ZNF25: variants seen among roughly 807,000 people sequenced by gnomAD.
The protein encoded by ZNF25 is zinc finger protein 25.
ZNF25 carries 21 observed loss-of-function variants against 30.9 expected under a neutral mutation model. The observed-to-expected ratio is 0.68, with a 90% CI of 0.48 to 0.98. The LOEUF (loss-of-function observed/expected upper bound fraction) is 0.98, where lower values mean the gene tolerates loss of function less well. Ranked by LOEUF, ZNF25 falls within the 50% of genes least tolerant of loss-of-function variation. The pLI, the probability that ZNF25 is intolerant of heterozygous loss-of-function variation, is 0.00. For missense variants in ZNF25, 501 were observed against 529.9 expected (o/e 0.95, Z 0.54); for synonymous variants, 169 against 181.3 (o/e 0.93, Z 0.55).
chr10:37,971,206 C>G (rs2063468754), intron 2 of ZNF25, among the ~76,000 whole-genome samples: 1 of 151,626 alleles, frequency 6.6e-6, no homozygotes, highest in Non-Finnish European at 1.5e-5. Context: ...ATCCCAGCTA[C>G]TCATGAGGCT....
intron 2 of ZNF25, among the ~76,000 whole-genome samples, chr10:37,960,622 T>TAAA (rs2062811569): frequency 2.3e-4 from 1 of 4,264 alleles, no homozygotes; most frequent in Non-Finnish European, 5.1e-4. Context: ...AGACTCCATC[T>TAAA]CAAAAAAAAA....
Position 37,949,718 on chromosome 10 carries a change from G to A in ZNF25, c.*2409C>T, listed in dbSNP as rs1482427725. On this transcript the variant is annotated 3_prime_UTR_variant, in exon 6 of 6. Transcript: ENST00000302609. ...TGGAATTGGGTATTGTAAGTTTTTT[G>A]TTATTGGGTTACGTTAGCTAAGTAT... The A allele has an allele frequency of 6.6e-6, 1 of 152,460 alleles. No homozygotes were observed. The highest frequency in any genetic ancestry group is 6.5e-5 in the Admixed American group (1 of 15,274). 9.4% of individuals were successfully genotyped at this position (152,460 alleles called of 1,614,324 possible). A position where few individuals can be genotyped will look rare whatever the true frequency, so the allele number is the denominator to read the frequency against.
At chr10:37,957,379 T>C in intron 3 of ZNF25, 41 bp downstream of exon 3, 2 of 1,593,992 alleles carry the variant, frequency 1.3e-6, no homozygotes, top group Non-Finnish European at 1.7e-6. Flanking sequence ...AGAAGATAGA[T>C]GCAAACTACT....
chr10:37,962,418 C>T (rs2062938895), intron 2 of ZNF25, among the ~76,000 whole-genome samples: 2 of 152,110 alleles, frequency 1.3e-5, no homozygotes, highest in Non-Finnish European at 2.9e-5. Flanking sequence ...ACAAAGTGCT[C>T]ACATCTTTTC....
Position 37,951,986 on chromosome 10 carries a change from G to A in ZNF25, c.*141C>T. On this transcript the variant is annotated 3_prime_UTR_variant, in exon 6 of 6. Coordinates refer to ENST00000302609, the MANE Select transcript of ZNF25 (RefSeq NM_145011.4). Reference sequence around the variant, plus strand: ...AAATAAATGTACAGAATCTCTCTATGTATTTGCTGATACACAGAGAGAGCA... The same window carrying A: ...AAATAAATGTACAGAATCTCTCTATATATTTGCTGATACACAGAGAGAGCA... The A allele has an allele frequency of 3.0e-6, 2 of 663,490 alleles. No individual in the cohort carries two copies. Among genetic ancestry groups the A allele is most frequent in the Non-Finnish European group, 2.4e-6 (1 of 415,170 alleles). 41.1% of individuals were successfully genotyped at this position (663,490 alleles called of 1,614,324 possible). A position where few individuals can be genotyped will look rare whatever the true frequency, so the allele number is the denominator to read the frequency against.
chr10:37,968,791 AC>A (rs2063329520), intron 2 of ZNF25, among the ~76,000 whole-genome samples: 1 of 152,174 alleles, frequency 6.6e-6, no homozygotes, highest in Non-Finnish European at 1.5e-5. Flanking sequence ...ATTATTTTCA[AC>A]CTAACATAGA....
intron 2 of ZNF25, among the ~76,000 whole-genome samples, chr10:37,959,639 T>G (rs1171340505): frequency 6.6e-6 from 1 of 152,146 alleles, no homozygotes; most frequent in African/African-American, 2.4e-5. Flanking sequence ...AGATGGAGTC[T>G]GGCTCTGTCT....
chr10:37,962,024 C>G (rs566248629), intron 2 of ZNF25, among the ~76,000 whole-genome samples: 1 of 151,026 alleles, frequency 6.6e-6, no homozygotes, highest in African/African-American at 2.4e-5. Flanking sequence ...ATCATGAGGT[C>G]AGGAGTTCAA....
intron 1 of ZNF25, among the ~76,000 whole-genome samples, chr10:37,976,072 C>G (rs1230900255): frequency 1.3e-5 from 2 of 152,184 alleles, no homozygotes; most frequent in Non-Finnish European, 1.5e-5. Context: ...AGCAGCTCAC[C>G]TTTATTGAGT....
intron 2 of ZNF25, among the ~76,000 whole-genome samples, chr10:37,957,930 T>C (rs959497406): frequency 7.9e-5 from 12 of 152,182 alleles, no homozygotes; most frequent in Non-Finnish European, 1.3e-4. Flanking sequence ...TTGCCTACAG[T>C]GTTCAGTACA....
In ZNF25 at chr10:37,970,394, G is replaced by T. The variant is rs117492882; in HGVS notation, c.15+1314C>A. Among the ~76,000 whole-genome samples, 1,489 of 152,032 alleles carry T rather than the reference G, an allele frequency of 9.8e-3. 9 individuals carry two copies. Among genetic ancestry groups the T allele is most frequent in the Middle Eastern group, 0.02 (6 of 294 alleles). On this transcript the variant is annotated intron_variant, in intron 2 of 5. Transcript: ENST00000302609. ...AAACAACATGATTATCCCAAAAAAA[G>T]CAGAAGAACATTTGACAAAATTCAA...
chr10:37,973,467 A>G (rs1192790275), intron 1 of ZNF25, among the ~76,000 whole-genome samples: 1 of 151,382 alleles, frequency 6.6e-6, no homozygotes, highest in East Asian at 2.0e-4. Flanking sequence ...AATACAAAAA[A>G]AATTACACAG....
intron 2 of ZNF25, among the ~76,000 whole-genome samples, chr10:37,968,651 G>A (rs1045685863): frequency 1.3e-5 from 2 of 152,116 alleles, no homozygotes; most frequent in African/African-American, 4.8e-5. Context: ...CACTATGCCT[G>A]GCCATAAAAT....
chr10:37,957,103 T>C lies in ZNF25; in HGVS notation c.155A>G (p.Asn52Ser), dbSNP rs139667326. ...SHLVSVGYHV[N>S]KPNAVFKLKQ... ...CAACTTGAAGACTGCATTTGGCTTA[T>C]TCACATGGTAACCTATGAATGGAAA... is the stretch of plus-strand genomic sequence containing the variant. The change falls in exon 4 of 6, where the codon AAT becomes AGT. Residue 52 changes from asparagine (N) to serine (S), a missense_variant. Transcript: ENST00000302609. 21 of 1,613,870 alleles carry C rather than the reference T, an allele frequency of 1.3e-5. No homozygotes were observed. Among genetic ancestry groups the C allele is most frequent in the Non-Finnish European group, 1.7e-5 (20 of 1,179,918 alleles).
intron 2 of ZNF25, among the ~76,000 whole-genome samples, chr10:37,962,004 A>C (rs1347673400): frequency 6.6e-6 from 1 of 150,940 alleles, no homozygotes; most frequent in East Asian, 2.0e-4. Context: ...TGGGAGGCTG[A>C]GGCAGGTGGA....
At chr10:37,967,435 T>C (rs925911321) in intron 2 of ZNF25, among the ~76,000 whole-genome samples, 3 of 151,578 alleles carry the variant, frequency 2.0e-5, no homozygotes, top group African/African-American at 4.8e-5. Context: ...TTTTTTTTTT[T>C]CTGAGACAGG....
At position 37,952,120 on chromosome 10, in the gene ZNF25, A is replaced by G; in HGVS notation, c.*7T>C. Reference sequence around the variant, plus strand: ...TTAATTCAGTCAAGAGAATTTCCCAACTCATCTTACTTCTCAGCATTCCTC... The same window carrying G: ...TTAATTCAGTCAAGAGAATTTCCCAGCTCATCTTACTTCTCAGCATTCCTC... On this transcript the variant is annotated 3_prime_UTR_variant, in exon 6 of 6. Coordinates refer to ENST00000302609, the MANE Select transcript of ZNF25 (RefSeq NM_145011.4). The G allele has an allele frequency of 1.3e-6, 2 of 1,542,502 alleles. No individual in the cohort carries two copies. Among genetic ancestry groups the G allele is most frequent in the African/African-American group, 2.8e-5 (2 of 72,308 alleles).
chr10:37,973,881 T>C (rs967687180), intron 1 of ZNF25, among the ~76,000 whole-genome samples: 1 of 152,138 alleles, frequency 6.6e-6, no homozygotes, highest in African/African-American at 2.4e-5. Flanking sequence ...CTTCAAAATA[T>C]ACTATAAAGC....
At chr10:37,975,573 T>C (rs568595101) in intron 1 of ZNF25, among the ~76,000 whole-genome samples, 2 of 152,296 alleles carry the variant, frequency 1.3e-5, no homozygotes, top group Admixed American at 6.5e-5. Flanking sequence ...CTTTAGAAAC[T>C]AGCCTCTGGG....
Sources: allele counts gnomAD v4.1 joint callset (sites outside exome capture counted in the v4.1 genomes callset), GRCh38; gene constraint gnomAD v4.1.1; transcripts MANE v1.5; gene names NCBI Gene and HGNC (gene_info 2026-07-23, HGNC 2026-07-21).